CNTNAP2: variants seen among roughly 807,000 people sequenced by gnomAD.
CNTNAP2 encodes contactin associated protein 2.
CNTNAP2 carries 98 observed loss-of-function variants against 155.2 expected under a neutral mutation model. The observed-to-expected ratio is 0.63, with a 90% CI of 0.54 to 0.75. The LOEUF (loss-of-function observed/expected upper bound fraction) is 0.75, where lower values mean the gene tolerates loss of function less well. Among genes scored for constraint, CNTNAP2 ranks in the 30% least tolerant of loss-of-function variants. The pLI is 0.00. For synonymous variants in CNTNAP2, 651 were observed against 631.2 expected (o/e 1.03, Z -0.47); for missense variants, 1,727 against 1,688.1 (o/e 1.02, Z -0.40).
At chr7:146,864,813 CAAACAAAGCA>C (rs1308423229) in intron 3 of CNTNAP2, among the ~76,000 whole-genome samples, 5 of 84,266 alleles carry the variant, frequency 5.9e-5, no homozygotes, top group Non-Finnish European at 1.1e-4. Context: ...TTTCCTCTAC[CAAACAAAGCA>C]AAACAAAACA....
chr7:146,665,772 CTCTG>C (rs1241517206), intron 1 of CNTNAP2, among the ~76,000 whole-genome samples: 15 of 15,028 alleles, frequency 1.0e-3, no homozygotes, highest in African/African-American at 3.3e-3. Context: ...TGGAGTGAGA[CTCTG>C]TCTCATTAAA....
chr7:146,761,957 T>C (rs1802109255), intron 1 of CNTNAP2, among the ~76,000 whole-genome samples: 1 of 152,106 alleles, frequency 6.6e-6, no homozygotes, highest in South Asian at 2.1e-4. Flanking sequence ...AAAATCTAAA[T>C]ATATTTAAGA....
At chr7:146,338,838 T>C (rs1317645352) in intron 1 of CNTNAP2, among the ~76,000 whole-genome samples, 2 of 152,070 alleles carry the variant, frequency 1.3e-5, no homozygotes, top group East Asian at 1.9e-4. Context: ...ATAAGCCTCA[T>C]AGTAACCACA....
chr7:148,118,366 G>A (rs901672404), intron 16 of CNTNAP2, 78 bp downstream of exon 16: 1 of 1,475,978 alleles, frequency 6.8e-7, no homozygotes, highest in Non-Finnish European at 9.4e-7. Flanking sequence ...ATTGTGGAAG[G>A]CCTTTTGATT....
chr7:147,710,828 G>C (rs545490091), intron 13 of CNTNAP2, among the ~76,000 whole-genome samples: 88 of 152,062 alleles, frequency 5.8e-4, no homozygotes, highest in Non-Finnish European at 9.0e-4. Context: ...CTGTGGTTGT[G>C]GACATGCTTC....
At chr7:146,297,989 C>T (rs137925241) in intron 1 of CNTNAP2, among the ~76,000 whole-genome samples, 1 of 152,128 alleles carries the variant, frequency 6.6e-6, no homozygotes, top group African/African-American at 2.4e-5. Flanking sequence ...AGTTTCTTGA[C>T]ACTTACTATA....
chr7:147,521,316 T>C (rs1156639358), intron 11 of CNTNAP2, among the ~76,000 whole-genome samples: 1 of 152,198 alleles, frequency 6.6e-6, no homozygotes, highest in Non-Finnish European at 1.5e-5. Flanking sequence ...CAAAGAAGCA[T>C]GACCCTTTCT....
At chr7:147,144,307 G>A (rs1801656977) in intron 8 of CNTNAP2, among the ~76,000 whole-genome samples, 1 of 152,188 alleles carries the variant, frequency 6.6e-6, no homozygotes, top group South Asian at 2.1e-4. Context: ...ACACGGAGAA[G>A]TAAATTTCAC....
chr7:148,246,332 C>A (rs1379274057), intron 20 of CNTNAP2, among the ~76,000 whole-genome samples: 1 of 152,134 alleles, frequency 6.6e-6, no homozygotes, highest in Non-Finnish European at 1.5e-5. Context: ...AGAAATGTAA[C>A]CTTTTCAACC....
intron 1 of CNTNAP2, among the ~76,000 whole-genome samples, chr7:146,665,022 C>T (rs1800165892): frequency 6.6e-6 from 1 of 152,096 alleles, no homozygotes; most frequent in African/African-American, 2.4e-5. Context: ...GATGTTGGCT[C>T]ACTGCAACTT....
chr7:146,767,390 TTTTG>T (rs1339855811), intron 1 of CNTNAP2, among the ~76,000 whole-genome samples: 9 of 152,180 alleles, frequency 5.9e-5, no homozygotes, highest in East Asian at 1.9e-4. Flanking sequence ...TGTAAATGTT[TTTTG>T]TTTGTTTATT....
chr7:147,575,067 T>C (rs926595423), intron 12 of CNTNAP2, among the ~76,000 whole-genome samples: 2 of 151,950 alleles, frequency 1.3e-5, no homozygotes, highest in Admixed American at 6.6e-5. Context: ...CAAAATTGTA[T>C]TGCTAGTATT....
chr7:147,734,450 T>A (rs1346991307), intron 13 of CNTNAP2, among the ~76,000 whole-genome samples: 3 of 152,212 alleles, frequency 2.0e-5, no homozygotes, highest in Non-Finnish European at 4.4e-5. Context: ...GCATCAATGT[T>A]CATCAGGGAT....
At chr7:147,854,404 C>T (rs575123179) in intron 13 of CNTNAP2, among the ~76,000 whole-genome samples, 1 of 152,274 alleles carries the variant, frequency 6.6e-6, no homozygotes, top group African/African-American at 2.4e-5. Context: ...GAGATGGAAG[C>T]AAGTGTCAGA....
intron 13 of CNTNAP2, among the ~76,000 whole-genome samples, chr7:147,740,622 C>T (rs552017071): frequency 3.3e-5 from 5 of 152,166 alleles, no homozygotes; most frequent in African/African-American, 4.8e-5. Context: ...TTGTCATTCA[C>T]TTTGTAGATG....
At chr7:147,664,785 C>T (rs1025984884) in intron 13 of CNTNAP2, among the ~76,000 whole-genome samples, 4 of 152,186 alleles carry the variant, frequency 2.6e-5, no homozygotes, top group African/African-American at 9.7e-5. Context: ...TCCTCTCTCA[C>T]TCTTCCTCTT....
At chr7:147,470,196 A>G (rs1462248457) in intron 10 of CNTNAP2, among the ~76,000 whole-genome samples, 3 of 152,236 alleles carry the variant, frequency 2.0e-5, no homozygotes, top group Non-Finnish European at 4.4e-5. Context: ...GAGAAGAGAC[A>G]CAGATGAGGC....
At chr7:146,536,560 G>A (rs1462548328) in intron 1 of CNTNAP2, among the ~76,000 whole-genome samples, 1 of 151,860 alleles carries the variant, frequency 6.6e-6, no homozygotes, top group Admixed American at 6.6e-5. Context: ...AGTACTGACT[G>A]TTGACTGCTC....
At chr7:148,292,736 C>T (rs1797210332) in intron 21 of CNTNAP2, among the ~76,000 whole-genome samples, 1 of 152,128 alleles carries the variant, frequency 6.6e-6, no homozygotes, top group African/African-American at 2.4e-5. Context: ...GCTGCAGGGA[C>T]CCTGGCCACC....
Sources: gnomAD v4.1 joint callset for allele counts (sites outside exome capture counted in the v4.1 genomes callset) on GRCh38, gnomAD v4.1.1 for gene constraint, MANE v1.5 for transcripts, NCBI Gene and HGNC (gene_info 2026-07-23, HGNC 2026-07-21) for gene names.